Variants in CSMD1 observed in about 807,000 individuals in gnomAD.
CSMD1 encodes CUB and sushi domain-containing protein 1.
Under a neutral mutation model 417.5 loss-of-function variants are expected in CSMD1, and 213 were observed. That is an observed-to-expected ratio of 0.51 (90% confidence interval 0.46 to 0.57). The LOEUF (loss-of-function observed/expected upper bound fraction) is 0.57, where lower values mean the gene tolerates loss of function less well. CSMD1 is among the 20% of genes least tolerant of loss of function. CSMD1 has a pLI of 0.00. For missense variants in CSMD1, 6,923 were observed against 4,529.7 expected (o/e 1.53, Z -15.17); for synonymous variants, 2,862 against 1,736.8 (o/e 1.65, Z -16.11).
At chr8:2,974,198 T>A (rs1007469371) in intron 56 of CSMD1, among the ~76,000 whole-genome samples, 2 of 152,176 alleles carry the variant, frequency 1.3e-5, no homozygotes, top group African/African-American at 2.4e-5. Flanking sequence ...GCAAGCGTCC[T>A]CTCAAATGAG....
intron 4 of CSMD1, among the ~76,000 whole-genome samples, chr8:4,017,293 C>T (rs1257511551): frequency 1.3e-5 from 2 of 151,982 alleles, no homozygotes; most frequent in African/African-American, 2.4e-5. Flanking sequence ...ATATCAAATG[C>T]CACATAATTT....
At chr8:3,926,092 C>A (rs1263550273) in intron 5 of CSMD1, among the ~76,000 whole-genome samples, 1 of 49,508 alleles carries the variant, frequency 2.0e-5, no homozygotes, top group Non-Finnish European at 3.6e-5. Context: ...TACACACACA[C>A]ACACACACAC....
chr8:4,550,555 T>C (rs569337126), intron 2 of CSMD1, among the ~76,000 whole-genome samples: 1 of 152,312 alleles, frequency 6.6e-6, no homozygotes, highest in Admixed American at 6.5e-5. Context: ...TAAAGTTTAT[T>C]TTTTGAAACA....
At chr8:4,564,440 G>C (rs1176302563) in intron 2 of CSMD1, among the ~76,000 whole-genome samples, 1 of 152,154 alleles carries the variant, frequency 6.6e-6, no homozygotes, top group African/African-American at 2.4e-5. Context: ...GGTGCCAGGG[G>C]ATCTAGTGTC....
intron 2 of CSMD1, among the ~76,000 whole-genome samples, chr8:4,524,769 A>G (rs1312690247): frequency 6.6e-6 from 1 of 152,154 alleles, no homozygotes; most frequent in Non-Finnish European, 1.5e-5. Context: ...TTCTATCGAC[A>G]AAGTATTTAG....
intron 12 of CSMD1, among the ~76,000 whole-genome samples, chr8:3,411,496 T>G (rs902392094): frequency 6.6e-6 from 1 of 151,800 alleles, no homozygotes; most frequent in Non-Finnish European, 1.5e-5. Flanking sequence ...TCTTATGCCT[T>G]TGCATCCTCA....
intron 5 of CSMD1, among the ~76,000 whole-genome samples, chr8:3,858,040 A>G (rs1209183521): frequency 6.6e-6 from 1 of 152,156 alleles, no homozygotes; most frequent in Non-Finnish European, 1.5e-5. Flanking sequence ...AAAATTAGTG[A>G]TTATGTGTTG....
chr8:3,671,015 GTATA>G, intron 7 of CSMD1, among the ~76,000 whole-genome samples: 1 of 130,376 alleles, frequency 7.7e-6, no homozygotes, highest in African/African-American at 2.8e-5. Context: ...GGATATATAT[GTATA>G]TGGGATATAT....
intron 3 of CSMD1, among the ~76,000 whole-genome samples, chr8:4,101,082 C>G (rs1402702313): frequency 6.6e-6 from 1 of 152,136 alleles, no homozygotes; most frequent in Non-Finnish European, 1.5e-5. Context: ...GCGCTGGGTT[C>G]AGAACTATGC....
chr8:3,458,644 A>C (rs1374816068), intron 12 of CSMD1, among the ~76,000 whole-genome samples: 1 of 152,232 alleles, frequency 6.6e-6, no homozygotes, highest in Non-Finnish European at 1.5e-5. Context: ...CCTAGCTGGT[A>C]ATTCACCTAA....
chr8:3,217,048 T>A (rs1797923281), intron 29 of CSMD1, among the ~76,000 whole-genome samples: 1 of 152,068 alleles, frequency 6.6e-6, no homozygotes, highest in Non-Finnish European at 1.5e-5. Flanking sequence ...ATCACTGCCC[T>A]AGGCTGCATG....
At position 4,410,104 on chromosome 8, in the gene CSMD1, G is replaced by A. The variant is rs114953330; in HGVS notation, c.415+9849C>T. 6.0e-3 allele frequency among the ~76,000 whole-genome samples: 921 copies of A among 152,238 alleles called. 12 individuals are homozygous for A. The highest frequency in any genetic ancestry group is 0.021 in the African/African-American group (864 of 41,550). On this transcript the variant is annotated intron_variant, in intron 3 of 69. Transcript: ENST00000635120. ...GCTGGGATTACAGCCATGAGCCACC[G>A]TACCCGGTCCCATACTTTATAATCT...
At chr8:4,253,331 T>C (rs1407640737) in intron 3 of CSMD1, among the ~76,000 whole-genome samples, 1 of 152,198 alleles carries the variant, frequency 6.6e-6, no homozygotes, top group Non-Finnish European at 1.5e-5. Context: ...TTTCCCCTAC[T>C]ATAGAACTTA....
intron 1 of CSMD1, among the ~76,000 whole-genome samples, chr8:4,688,862 G>C (rs1206911477): frequency 6.6e-6 from 1 of 152,184 alleles, no homozygotes; most frequent in African/African-American, 2.4e-5. Context: ...GGGAAATGAA[G>C]ATTGACATAA....
At chr8:4,251,413 G>A (rs1803063593) in intron 3 of CSMD1, among the ~76,000 whole-genome samples, 2 of 152,124 alleles carry the variant, frequency 1.3e-5, no homozygotes, top group Non-Finnish European at 2.9e-5. Flanking sequence ...CTTGTATTTT[G>A]AGCAATAACA....
At chr8:4,576,717 T>C (rs2130678907) in intron 2 of CSMD1, among the ~76,000 whole-genome samples, 1 of 152,324 alleles carries the variant, frequency 6.6e-6, no homozygotes, top group East Asian at 1.9e-4. Flanking sequence ...AATCTCTTTC[T>C]AAAACTTAAC....
chr8:4,048,263 A>G (rs1798250491), intron 3 of CSMD1, among the ~76,000 whole-genome samples: 1 of 152,196 alleles, frequency 6.6e-6, no homozygotes, highest in South Asian at 2.1e-4. Flanking sequence ...AGTGATACCT[A>G]CACATTTTTA....
chr8:4,928,798 G>T (rs1191294681), intron 1 of CSMD1, among the ~76,000 whole-genome samples: 1 of 152,098 alleles, frequency 6.6e-6, no homozygotes, highest in Non-Finnish European at 1.5e-5. Context: ...GCCCTTAGGT[G>T]CTGGCTCACT....
At chr8:4,302,153 C>T (rs1353333120) in intron 3 of CSMD1, among the ~76,000 whole-genome samples, 1 of 152,114 alleles carries the variant, frequency 6.6e-6, no homozygotes, top group Non-Finnish European at 1.5e-5. Flanking sequence ...AGTTTATGGA[C>T]TTAAGGCCAA....
Sources: allele counts gnomAD v4.1 joint callset (sites outside exome capture counted in the v4.1 genomes callset), GRCh38; gene constraint gnomAD v4.1.1; transcripts MANE v1.5; gene names NCBI Gene and HGNC (gene_info 2026-07-23, HGNC 2026-07-21).